The following LARGE1 variants were observed in gnomAD, a reference collection of about 807,000 sequenced individuals.
LARGE1 encodes the protein LARGE xylosyl- and glucuronyltransferase 1.
In LARGE1, 43 loss-of-function variants were observed where a neutral mutation model predicts 87.6. The ratio of observed to expected loss-of-function variants is 0.49; its 90% CI spans 0.38 to 0.63. LARGE1 has a LOEUF of 0.63. Ranked by LOEUF, LARGE1 falls within the 30% of genes least tolerant of loss-of-function variation. The pLI is 0.00. For synonymous variants in LARGE1, 434 were observed against 394.6 expected (o/e 1.10, Z -1.18); for missense variants, 802 against 1,000.2 (o/e 0.80, Z 2.67).
At chr22:33,148,275 G>C in the LARGE1 span, among the ~76,000 whole-genome samples, 1 of 152,184 alleles carries the variant, frequency 6.6e-6, no homozygotes, top group Non-Finnish European at 1.5e-5. Flanking sequence ...AATAGACTAA[G>C]ATGCCATCAC....
intron 11 of LARGE1, among the ~76,000 whole-genome samples, chr22:33,241,066 C>T (rs1462770681): frequency 2.0e-5 from 3 of 152,156 alleles, no homozygotes; most frequent in Non-Finnish European, 2.9e-5. Context: ...CTCCCATTTC[C>T]GGCTTCCATG....
At chr22:33,598,059 A>ACCCAGAGAAGGAACCTGCC (rs909170288) in intron 5 of LARGE1, among the ~76,000 whole-genome samples, 16 of 152,280 alleles carry the variant, frequency 1.1e-4, no homozygotes, top group Middle Eastern at 3.4e-3. Context: ...CTTCAGGAAC[A>ACCCAGAGAAGGAACCTGCC]CCCAGAGAAG....
chr22:33,682,625 T>C (rs2081811081), intron 2 of LARGE1, among the ~76,000 whole-genome samples: 1 of 152,224 alleles, frequency 6.6e-6, no homozygotes. Flanking sequence ...TCCTTTATCA[T>C]CACATCTAAG....
In LARGE1 at chr22:33,757,467, G is replaced by A. The variant is rs559904224; in HGVS notation, c.106+3904C>T. Among the ~76,000 whole-genome samples the A allele has an allele frequency of 8.5e-5, 13 of 152,288 alleles. No individual in the cohort carries two copies. In the East Asian group the frequency reaches 1.9e-3, roughly 23 times the overall value. Reference sequence around the variant, plus strand: ...AAGAAACGAAGGCCTACCATGAAGAGCAAGTGTGCCCCAGATCATCCAGCT... The same window carrying A: ...AAGAAACGAAGGCCTACCATGAAGAACAAGTGTGCCCCAGATCATCCAGCT... On this transcript the variant is annotated intron_variant, in intron 2 of 14. Coordinates refer to ENST00000397394, the MANE Select transcript of LARGE1 (RefSeq NM_133642.5).
At chr22:33,833,215 G>A (rs2063022760) in intron 1 of LARGE1, among the ~76,000 whole-genome samples, 1 of 152,168 alleles carries the variant, frequency 6.6e-6, no homozygotes, top group South Asian at 2.1e-4. Context: ...CTGAATGGCG[G>A]ATTACCAATT....
In LARGE1 at chr22:33,761,526, G is replaced by A; in HGVS notation, c.-50C>T. 4 of 1,444,548 alleles carry A rather than the reference G, an allele frequency of 2.8e-6. No homozygotes were observed. Among genetic ancestry groups the A allele is most frequent in the Non-Finnish European group, 3.9e-6 (4 of 1,026,386 alleles). The allele number at this position is 1,444,548 out of a possible 1,614,324, so 89.5% of individuals were successfully genotyped here. A position where few individuals can be genotyped will look rare whatever the true frequency, so the allele number is the denominator to read the frequency against. ...TCCCAGCGCCGTTTCTCTGTCCGGA[G>A]CATGAAGTCCTCGGCCTCCCTCATA... On this transcript the variant is annotated 5_prime_UTR_variant, in exon 2 of 15. Transcript: ENST00000397394.
intron 6 of LARGE1, among the ~76,000 whole-genome samples, chr22:33,441,895 T>C (rs1304176632): frequency 6.6e-6 from 1 of 152,228 alleles, no homozygotes; most frequent in Admixed American, 6.5e-5. Flanking sequence ...ATCTATGTAC[T>C]CCAATTCATT....
intron 9 of LARGE1, among the ~76,000 whole-genome samples, chr22:33,353,464 T>C (rs1418921861): frequency 6.6e-6 from 1 of 151,310 alleles, no homozygotes; most frequent in Non-Finnish European, 1.5e-5. Flanking sequence ...GGTAACAAAA[T>C]GAAGTAAGTT....
chr22:33,201,520 A>T (rs1924393487), intron 11 of LARGE1, among the ~76,000 whole-genome samples: 1 of 152,190 alleles, frequency 6.6e-6, no homozygotes, highest in Non-Finnish European at 1.5e-5. Context: ...GTAATTTTGA[A>T]TAGGGTGGTC....
upstream of LARGE1, among the ~76,000 whole-genome samples, chr22:33,920,757 G>A (rs866651800): frequency 4.1e-5 from 6 of 144,726 alleles, no homozygotes; most frequent in South Asian, 1.0e-3. Context: ...GGCCTTGGCC[G>A]CCGCCGCCGC....
intron 2 of LARGE1, among the ~76,000 whole-genome samples, chr22:33,687,422 T>C (rs569618120): frequency 6.6e-6 from 1 of 151,972 alleles, no homozygotes; most frequent in Non-Finnish European, 1.5e-5. Flanking sequence ...TACCAGCCGA[T>C]AGAACTTGGT....
chr22:33,314,089 G>C (rs930094923), intron 11 of LARGE1, among the ~76,000 whole-genome samples: 1 of 152,192 alleles, frequency 6.6e-6, no homozygotes, highest in Non-Finnish European at 1.5e-5. Flanking sequence ...GTGGAGATGA[G>C]AAAACTGTGG....
chr22:33,366,676 T>G (rs900507950), intron 9 of LARGE1, among the ~76,000 whole-genome samples: 1 of 152,232 alleles, frequency 6.6e-6, no homozygotes, highest in East Asian at 1.9e-4. Flanking sequence ...TGCTTCTCTT[T>G]CGTCTTCCGC....
chr22:33,169,580 A>G (rs137344), intron 11 of LARGE1, among the ~76,000 whole-genome samples: 94,341 of 151,892 alleles, frequency 0.62, 29,592 homozygotes, highest in Middle Eastern at 0.69. Flanking sequence ...GGCTGGGCGC[A>G]GTGGCTCACA....
At chr22:33,577,159 GT>G (rs1395629427) in intron 5 of LARGE1, among the ~76,000 whole-genome samples, 2 of 152,134 alleles carry the variant, frequency 1.3e-5, no homozygotes, top group African/African-American at 4.8e-5. Flanking sequence ...AGACACAAAA[GT>G]TGGTTCTTGT....
At chr22:33,483,021 C>T (rs572305193) in intron 6 of LARGE1, among the ~76,000 whole-genome samples, 2 of 152,312 alleles carry the variant, frequency 1.3e-5, no homozygotes, top group East Asian at 1.9e-4. Context: ...ACCAATGTAG[C>T]TCCGGAAACC....
At chr22:33,403,382 CTG>C (rs1261804881) in intron 7 of LARGE1, among the ~76,000 whole-genome samples, 3 of 152,188 alleles carry the variant, frequency 2.0e-5, no homozygotes, top group Admixed American at 6.5e-5. Context: ...ACATCAATAA[CTG>C]TCATCCTGAA....
At chr22:33,259,347 C>A (rs5998830) in intron 11 of LARGE1, among the ~76,000 whole-genome samples, 221 of 138,616 alleles carry the variant, frequency 1.6e-3, no homozygotes, top group African/African-American at 6.1e-3. Flanking sequence ...CACACACACA[C>A]AAACACACAC....
chr22:33,715,646 C>T (rs998956969), intron 2 of LARGE1, among the ~76,000 whole-genome samples: 1 of 152,192 alleles, frequency 6.6e-6, no homozygotes, highest in South Asian at 2.1e-4. Flanking sequence ...CCCAGAGCAT[C>T]TGCCTCTGAA....
Sources: gnomAD v4.1 joint callset for allele counts (sites outside exome capture counted in the v4.1 genomes callset) on GRCh38, gnomAD v4.1.1 for gene constraint, MANE v1.5 for transcripts, NCBI Gene and HGNC (gene_info 2026-07-23, HGNC 2026-07-21) for gene names.